RFX4: variants seen among roughly 807,000 people sequenced by gnomAD.
RFX4 encodes regulatory factor X4.
In RFX4, 10 loss-of-function variants were observed where a neutral mutation model predicts 95.0. The ratio of observed to expected loss-of-function variants is 0.11; its 90% CI spans 0.06 to 0.18. The LOEUF is 0.18. Ranked by LOEUF, RFX4 falls within the 10% of genes least tolerant of loss-of-function variation. The probability of loss-of-function intolerance (pLI) is 1.00; values close to 1 mark genes in which losing one functional copy is unlikely to be tolerated. For synonymous variants in RFX4, 321 were observed against 340.7 expected (o/e 0.94, Z 0.64); for missense variants, 640 against 922.0 (o/e 0.69, Z 3.96).
At chr12:106,590,045 A>G (rs1200108753) in intron 1 of RFX4, among the ~76,000 whole-genome samples, 3 of 152,266 alleles carry the variant, frequency 2.0e-5, no homozygotes, top group Non-Finnish European at 4.4e-5. Flanking sequence ...TAGACCCACA[A>G]ATAAGTAAAC....
intron 2 of RFX4, among the ~76,000 whole-genome samples, chr12:106,617,853 A>G (rs1011634370): frequency 6.6e-6 from 1 of 152,136 alleles, no homozygotes; most frequent in Non-Finnish European, 1.5e-5. Context: ...CAGCCTCCCA[A>G]GTAGCTGGGA....
In RFX4 at chr12:106,594,426, C is replaced by T. The variant is rs530175886; in HGVS notation, c.43+11063C>T. Among the ~76,000 whole-genome samples the T allele has an allele frequency of 4.6e-5, 7 of 152,218 alleles. No individual in the cohort carries two copies. In the South Asian group the frequency reaches 6.2e-4, roughly 14 times the overall value. On this transcript the variant is annotated intron_variant, in intron 1 of 17. Coordinates refer to ENST00000392842, the MANE Select transcript of RFX4 (RefSeq NM_213594.3). ...AGGGGACCTTTTCAGAAATGCCAGG[C>T]TTTTAGAAAAAACACAGCTTTTCTT...
chr12:106,694,802 A>T (rs150550256), intron 7 of RFX4, among the ~76,000 whole-genome samples: 2,069 of 152,226 alleles, frequency 0.014, 20 homozygotes, highest in South Asian at 0.033. Context: ...TGGGAGGCCG[A>T]GGCGTGCAGA....
intron 11 of RFX4, among the ~76,000 whole-genome samples, chr12:106,717,551 T>C (rs903833370): frequency 6.6e-6 from 1 of 152,192 alleles, no homozygotes; most frequent in African/African-American, 2.4e-5. Flanking sequence ...TCTGGGGAAG[T>C]AAATGCTGTG....
intron 5 of RFX4, chr12:106,684,846 C>T: frequency 6.3e-7 from 1 of 1,583,088 alleles, no homozygotes; most frequent in Admixed American, 1.8e-5. Context: ...GGTCTGAATT[C>T]TTCATCCCAG....
At chr12:106,740,006 G>A (rs1474622694) in intron 15 of RFX4, among the ~76,000 whole-genome samples, 1 of 152,144 alleles carries the variant, frequency 6.6e-6, no homozygotes. Flanking sequence ...TCGGGCCACC[G>A]AAGGGTTCTA....
chr12:106,724,198 A>C (rs907919861), intron 13 of RFX4, among the ~76,000 whole-genome samples: 3 of 152,240 alleles, frequency 2.0e-5, no homozygotes, highest in African/African-American at 7.2e-5. Flanking sequence ...TGACTATTAT[A>C]AGAAATATTT....
In RFX4 at chr12:106,713,831, A is replaced by G. The variant is rs138569163; in HGVS notation, c.994-1569A>G. ...GCCAGCAATCCCAGCACTTTGGGAG[A>G]CCTAGGTGGGCAGATCACTTGAGAT... is the stretch of plus-strand genomic sequence containing the variant. On this transcript the variant is annotated intron_variant, in intron 10 of 17. Coordinates refer to ENST00000392842, the MANE Select transcript of RFX4 (RefSeq NM_213594.3). Among the ~76,000 whole-genome samples the G allele has an allele frequency of 1.1e-3, 162 of 151,986 alleles. 2 individuals carry two copies. The highest frequency in any genetic ancestry group is 6.2e-3 in the East Asian group (32 of 5,170).
chr12:106,618,614 T>G (rs1015244520), intron 2 of RFX4, among the ~76,000 whole-genome samples: 33 of 152,076 alleles, frequency 2.2e-4, no homozygotes, highest in Non-Finnish European at 4.0e-4. Flanking sequence ...TTTTTCATCT[T>G]TTTATTTTCA....
intron 1 of RFX4, among the ~76,000 whole-genome samples, chr12:106,603,584 C>T (rs915639975): frequency 7.9e-5 from 12 of 152,316 alleles, no homozygotes; most frequent in Non-Finnish European, 1.5e-4. Flanking sequence ...AGGCAAATCC[C>T]GTTGGGCACT....
At chr12:106,653,995 A>T (rs2040907192) in intron 3 of RFX4, among the ~76,000 whole-genome samples, 1 of 152,170 alleles carries the variant, frequency 6.6e-6, no homozygotes. Flanking sequence ...ATTTGGGCTG[A>T]AAAAGTAGCC....
intron 2 of RFX4, among the ~76,000 whole-genome samples, chr12:106,612,753 G>A (rs1313665282): frequency 6.6e-6 from 1 of 152,010 alleles, no homozygotes; most frequent in Non-Finnish European, 1.5e-5. Context: ...CACAAGCATA[G>A]CTTGAATCTG....
intron 5 of RFX4, chr12:106,683,070 G>A (rs748153412): frequency 6.6e-6 from 1 of 152,142 alleles, no homozygotes; most frequent in East Asian, 1.9e-4. Flanking sequence ...TTTTGACCAC[G>A]TTGAGCAGGT....
At chr12:106,735,202 G>A (rs534526818) in intron 15 of RFX4, among the ~76,000 whole-genome samples, 1 of 152,218 alleles carries the variant, frequency 6.6e-6, no homozygotes, top group African/African-American at 2.4e-5. Context: ...TCAACTGAAA[G>A]AGATCAGTAA....
At chr12:106,731,239 G>A (rs1366786304) in intron 13 of RFX4, among the ~76,000 whole-genome samples, 2 of 152,168 alleles carry the variant, frequency 1.3e-5, no homozygotes, top group East Asian at 1.9e-4. Flanking sequence ...AGCCCCTACC[G>A]AAGGTGCACC....
chr12:106,691,286 A>T (rs1191958040), intron 7 of RFX4, among the ~76,000 whole-genome samples: 5 of 152,262 alleles, frequency 3.3e-5, no homozygotes, highest in African/African-American at 1.2e-4. Context: ...GTAAAAGGTC[A>T]TACAAATGCT....
intron 16 of RFX4, among the ~76,000 whole-genome samples, chr12:106,749,075 C>T (rs2042948516): frequency 7.4e-6 from 1 of 134,396 alleles, no homozygotes; most frequent in Non-Finnish European, 1.6e-5. Context: ...CAGAGGGAGA[C>T]TTCATCTCAA....
intron 2 of RFX4, among the ~76,000 whole-genome samples, chr12:106,617,508 T>A (rs1461275635): frequency 1.3e-5 from 2 of 152,326 alleles, no homozygotes; most frequent in Admixed American, 1.3e-4. Context: ...TATTTAGAAA[T>A]CTGTTGCTTA....
At chr12:106,761,088 A>G in intron 17 of RFX4, 109 bp from the exon 18 acceptor site, 1 of 1,196,226 alleles carries the variant, frequency 8.4e-7, no homozygotes, top group East Asian at 2.3e-5. Flanking sequence ...ATCAACTCTC[A>G]TTAATAGCAT....
Sources: gnomAD v4.1 joint callset for allele counts (sites outside exome capture counted in the v4.1 genomes callset) on GRCh38, gnomAD v4.1.1 for gene constraint, MANE v1.5 for transcripts, NCBI Gene and HGNC (gene_info 2026-07-23, HGNC 2026-07-21) for gene names.